Variants in TTC28 observed in about 807,000 individuals in gnomAD.
The protein encoded by TTC28 is tetratricopeptide repeat domain 28, also known as tetratricopeptide repeat protein 28.
Under a neutral mutation model 198.0 loss-of-function variants are expected in TTC28, and 61 were observed. The observed-to-expected ratio is 0.31, with a 90% CI of 0.25 to 0.38. TTC28 has a LOEUF of 0.38. Ranked by LOEUF, TTC28 falls within the 10% of genes least tolerant of loss-of-function variation. The pLI, the probability that TTC28 is intolerant of heterozygous loss-of-function variation, is 1.00. For synonymous variants in TTC28, 1,171 were observed against 1,297.8 expected, an observed-to-expected ratio of 0.90 and a Z score of 2.10; for missense variants, 2,678 against 3,164.0, an observed-to-expected ratio of 0.85 and a Z score of 3.69.
At chr22:28,432,518 T>C (rs1461379852) in intron 2 of TTC28, among the ~76,000 whole-genome samples, 1 of 152,114 alleles carries the variant, frequency 6.6e-6, no homozygotes, top group Non-Finnish European at 1.5e-5. Context: ...TTACAGTTAT[T>C]TACTGGAAAT....
intron 8 of TTC28, among the ~76,000 whole-genome samples, chr22:28,103,519 C>G (rs2146888190): frequency 6.6e-6 from 1 of 152,274 alleles, no homozygotes; most frequent in South Asian, 2.1e-4. Context: ...TCCCTCCTTG[C>G]CAGAGGCTGC....
At chr22:28,570,628 CT>C (rs1198498081) in intron 2 of TTC28, among the ~76,000 whole-genome samples, 14 of 152,224 alleles carry the variant, frequency 9.2e-5, no homozygotes, top group African/African-American at 3.4e-4. Flanking sequence ...ATGAAATAAT[CT>C]GTAAACCAAA....
At chr22:28,001,048 G>A (rs1287696096) in intron 15 of TTC28, 1 of 225,622 alleles carries the variant, frequency 4.4e-6, no homozygotes, top group African/African-American at 2.2e-5. Context: ...TGGGTGACCA[G>A]CCCCCTCAGG....
At chr22:28,346,865 C>T (rs2045910233) in intron 2 of TTC28, among the ~76,000 whole-genome samples, 1 of 152,014 alleles carries the variant, frequency 6.6e-6, no homozygotes, top group Admixed American at 6.6e-5. Flanking sequence ...AAGGAAGCAA[C>T]TTAAATCAAA....
At chr22:28,140,346 G>C (rs1049918046) in intron 6 of TTC28, among the ~76,000 whole-genome samples, 1 of 152,198 alleles carries the variant, frequency 6.6e-6, no homozygotes, top group Admixed American at 6.5e-5. Flanking sequence ...CCTCAGAGCA[G>C]CTAACGGCTC....
At chr22:28,585,699 T>C (rs1434739929) in intron 2 of TTC28, among the ~76,000 whole-genome samples, 5 of 152,118 alleles carry the variant, frequency 3.3e-5, no homozygotes, top group African/African-American at 7.2e-5. Context: ...GGCTAGTTGA[T>C]TTGTCCAAGG....
chr22:28,037,582 G>A (rs891161479), intron 12 of TTC28, among the ~76,000 whole-genome samples: 1 of 152,170 alleles, frequency 6.6e-6, no homozygotes, highest in African/African-American at 2.4e-5. Flanking sequence ...CCAAAAACTG[G>A]AAGCATTCCC....
chr22:28,359,775 T>A (rs2046130976), intron 2 of TTC28, among the ~76,000 whole-genome samples: 1 of 152,152 alleles, frequency 6.6e-6, no homozygotes, highest in Admixed American at 6.5e-5. Flanking sequence ...TTTGATTAAT[T>A]CTGAGACACA....
intron 5 of TTC28, among the ~76,000 whole-genome samples, chr22:28,168,742 C>T (rs987038908): frequency 3.9e-5 from 6 of 152,112 alleles, no homozygotes; most frequent in Admixed American, 2.0e-4. Context: ...TAGGCAATAC[C>T]ATTCAGGACA....
intron 12 of TTC28, among the ~76,000 whole-genome samples, chr22:28,079,813 C>T (rs1235295593): frequency 1.3e-5 from 2 of 152,134 alleles, no homozygotes; most frequent in East Asian, 3.9e-4. Context: ...ACTACAGCCT[C>T]GACCTCCCAG....
intron 2 of TTC28, among the ~76,000 whole-genome samples, chr22:28,585,581 C>A (rs1300151915): frequency 6.6e-6 from 1 of 152,126 alleles, no homozygotes; most frequent in East Asian, 1.9e-4. Flanking sequence ...AGGACACGGA[C>A]CAGTATCAGT....
intron 21 of TTC28, among the ~76,000 whole-genome samples, chr22:27,989,206 C>T (rs1177097191): frequency 6.6e-6 from 1 of 151,034 alleles, no homozygotes; most frequent in Non-Finnish European, 1.5e-5. Context: ...AATCGAGTGT[C>T]CTGCACTGAC....
At chr22:28,556,062 A>C (rs2049781098) in intron 2 of TTC28, among the ~76,000 whole-genome samples, 1 of 152,068 alleles carries the variant, frequency 6.6e-6, no homozygotes, top group Non-Finnish European at 1.5e-5. Context: ...AAAAAAAAAA[A>C]ATGCCCTATT....
At chr22:28,113,314 G>T (rs1211302141) in intron 6 of TTC28, among the ~76,000 whole-genome samples, 1 of 151,148 alleles carries the variant, frequency 6.6e-6, no homozygotes, top group East Asian at 1.9e-4. Flanking sequence ...TTTAAGAGAT[G>T]ATCTATTTTT....
At chr22:28,517,065 C>T (rs1005306605) in intron 2 of TTC28, among the ~76,000 whole-genome samples, 21 of 152,170 alleles carry the variant, frequency 1.4e-4, no homozygotes, top group Non-Finnish European at 2.2e-4. Context: ...GTTAGTAAAT[C>T]GCAGAGCTAG....
At chr22:28,508,873 A>G (rs2048648083) in intron 2 of TTC28, among the ~76,000 whole-genome samples, 1 of 152,120 alleles carries the variant, frequency 6.6e-6, no homozygotes, top group Non-Finnish European at 1.5e-5. Context: ...TTCTGGATCA[A>G]GTGGACCTGA....
chr22:28,355,783 T>A lies in TTC28; in HGVS notation c.382-49140A>T, dbSNP rs189445871. ...GCTGAGTATTCAAAAGCCCAACAGA[T>A]CTCACACCCAACTATAGTGCTGAAG... is the stretch of plus-strand genomic sequence containing the variant. On this transcript the variant is annotated intron_variant, in intron 2 of 22. Transcript: ENST00000397906. Among the ~76,000 whole-genome samples, 3 of 152,244 alleles carry A rather than the reference T, an allele frequency of 2.0e-5. No homozygotes were observed. The East Asian group carries it at 5.8e-4, about 29-fold the overall frequency.
At chr22:28,272,492 A>G (rs1317483037) in intron 5 of TTC28, among the ~76,000 whole-genome samples, 1 of 152,222 alleles carries the variant, frequency 6.6e-6, no homozygotes, top group Non-Finnish European at 1.5e-5. Flanking sequence ...AATGAGGGCA[A>G]GGTGCTCTCT....
chr22:28,075,803 T>C (rs760048074), intron 12 of TTC28, among the ~76,000 whole-genome samples: 44 of 152,202 alleles, frequency 2.9e-4, no homozygotes, highest in Non-Finnish European at 4.1e-4. Context: ...TCTTGAATCA[T>C]TGCCTCACCC....
Sources: allele counts gnomAD v4.1 joint callset (sites outside exome capture counted in the v4.1 genomes callset), GRCh38; gene constraint gnomAD v4.1.1; transcripts MANE v1.5; gene names NCBI Gene and HGNC (gene_info 2026-07-23, HGNC 2026-07-21).